The following WASF1 variants were observed in gnomAD, a reference collection of about 807,000 sequenced individuals.
WASF1 encodes the protein WASP family member 1.
WASF1 carries 7 observed loss-of-function variants against 50.5 expected under a neutral mutation model. That is an observed-to-expected ratio of 0.14 (90% confidence interval 0.08 to 0.26). The LOEUF (loss-of-function observed/expected upper bound fraction) is 0.26, where lower values mean the gene tolerates loss of function less well. Among genes scored for constraint, WASF1 ranks in the 10% least tolerant of loss-of-function variants. The pLI is 1.00. For missense variants in WASF1, 470 were observed against 694.7 expected (o/e 0.68, Z 3.64); for synonymous variants, 205 against 244.0 (o/e 0.84, Z 1.49).
At chr6:110,155,536 CTTT>C (rs66645132) in intron 3 of WASF1, among the ~76,000 whole-genome samples, 761 of 45,878 alleles carry the variant, frequency 0.017, no homozygotes, top group African/African-American at 0.048. Flanking sequence ...AAAGTGCCTT[CTTT>C]TTTTTTTTTT....
At chr6:110,153,561 G>C (rs1307116634) in intron 3 of WASF1, among the ~76,000 whole-genome samples, 1 of 152,094 alleles carries the variant, frequency 6.6e-6, no homozygotes, top group African/African-American at 2.4e-5. Context: ...TCAATCTACT[G>C]CATGTACAGT....
chr6:110,154,493 G>A (rs1032532959), intron 3 of WASF1, among the ~76,000 whole-genome samples: 7 of 151,964 alleles, frequency 4.6e-5, no homozygotes, highest in Non-Finnish European at 8.8e-5. Flanking sequence ...TTAAGAGAAA[G>A]ATATAAATAG....
intron 3 of WASF1, among the ~76,000 whole-genome samples, chr6:110,148,198 C>A (rs1775663975): frequency 6.6e-6 from 1 of 152,138 alleles, no homozygotes; most frequent in Non-Finnish European, 1.5e-5. Flanking sequence ...ATACATTGTA[C>A]TTTATATGAA....
rs1775274778 is a variant in WASF1, at chr6:110,142,191, C to T, written c.-28-14562G>A. Among the ~76,000 whole-genome samples, 3 of 152,176 alleles carry T rather than the reference C, an allele frequency of 2.0e-5. No homozygotes were observed. In the South Asian group the frequency reaches 6.2e-4, roughly 31 times the overall value. On this transcript the variant is annotated intron_variant, in intron 3 of 10. Transcript: ENST00000392589. ...AAAAGCATGGATGGATCATATCTTA[C>T]TCATTTCTTCATCTTTATGGGCTAG... is the stretch of plus-strand genomic sequence containing the variant.
chr6:110,131,177 A>C (rs1355574209), intron 3 of WASF1, among the ~76,000 whole-genome samples: 3 of 152,150 alleles, frequency 2.0e-5, no homozygotes, highest in African/African-American at 7.2e-5. Context: ...TGTGGTAGGG[A>C]TATTCTCAAT....
chr6:110,160,547 T>C (rs1180298183), intron 3 of WASF1, 88 bp downstream of exon 3: 2 of 151,768 alleles, frequency 1.3e-5, no homozygotes, highest in Non-Finnish European at 3.0e-5. Flanking sequence ...TATTAGTATA[T>C]AACTTTTGAA....
intron 3 of WASF1, among the ~76,000 whole-genome samples, chr6:110,148,024 GA>G (rs1391729506): frequency 6.6e-6 from 1 of 152,152 alleles, no homozygotes; most frequent in Non-Finnish European, 1.5e-5. Context: ...TAGGATTATA[GA>G]CATGAGCCAC....
At position 110,127,596 on chromosome 6, in the gene WASF1, C is replaced by A; in HGVS notation, c.6G>T (p.Pro2=). 1 of 1,557,952 alleles carries A rather than the reference C, an allele frequency of 6.4e-7. No homozygotes were observed. Among genetic ancestry groups the A allele is most frequent in the Non-Finnish European group, 8.7e-7 (1 of 1,153,698 alleles). M[P]LVKRNIDPRH... ...TAGGATCGATGTTTCTTTTCACTAG[C>A]GGCATCTTGAGATTAACCTTTGTGC... Residue 2 remains proline (P), a synonymous_variant, in exon 4 of 11, where the codon CCG becomes CCT. Coordinates refer to ENST00000392589, the MANE Select transcript of WASF1 (RefSeq NM_003931.3).
At chr6:110,125,970 A>G (rs183901710) in intron 4 of WASF1, among the ~76,000 whole-genome samples, 4 of 152,290 alleles carry the variant, frequency 2.6e-5, no homozygotes, top group African/African-American at 7.2e-5. Context: ...CTTAATCACA[A>G]TATTAGTTCT....
In WASF1 at chr6:110,120,294, T is replaced by C. The variant is rs994785391; in HGVS notation, c.134-6834A>G. On this transcript the variant is annotated intron_variant, in intron 4 of 10. Transcript: ENST00000392589. Reference sequence around the variant, plus strand: ...ATGATTGTATATTTAGAAAACCCCATTGTCTCAGCTCAAAATCTCCTTAAG... The same window carrying C: ...ATGATTGTATATTTAGAAAACCCCACTGTCTCAGCTCAAAATCTCCTTAAG... 5.3e-5 allele frequency among the ~76,000 whole-genome samples: 8 copies of C among 152,204 alleles called. No homozygotes were observed. The East Asian group carries it at 5.8e-4, about 11-fold the overall frequency.
At chr6:110,101,174 C>T (rs1297790560) in intron 10 of WASF1, among the ~76,000 whole-genome samples, 2 of 152,108 alleles carry the variant, frequency 1.3e-5, no homozygotes, top group African/African-American at 4.8e-5. Context: ...AGGGAGGAAA[C>T]TCACTCCTCT....
intron 3 of WASF1, among the ~76,000 whole-genome samples, chr6:110,142,001 C>T (rs1159913378): frequency 3.3e-5 from 5 of 152,090 alleles, no homozygotes; most frequent in Admixed American, 6.5e-5. Flanking sequence ...CTCCCGACCT[C>T]GTGATCCACC....
intron 2 of WASF1, among the ~76,000 whole-genome samples, chr6:110,161,160 T>C (rs1054837697): frequency 6.6e-6 from 1 of 151,632 alleles, no homozygotes; most frequent in Non-Finnish European, 1.5e-5. Context: ...TATTCTAAAT[T>C]CATTAATTCA....
intron 2 of WASF1, among the ~76,000 whole-genome samples, chr6:110,174,165 T>G (rs1323103281): frequency 2.0e-5 from 3 of 152,254 alleles, no homozygotes; most frequent in Middle Eastern, 3.4e-3. Context: ...TCACCTGTTC[T>G]TTGAATTCTC....
chr6:110,114,584 A>C (rs1204624872), intron 4 of WASF1, among the ~76,000 whole-genome samples: 1 of 152,134 alleles, frequency 6.6e-6, no homozygotes, highest in Non-Finnish European at 1.5e-5. Flanking sequence ...ATTTGAGAAA[A>C]AGTGAAGTCC....
intron 9 of WASF1, among the ~76,000 whole-genome samples, chr6:110,102,425 G>A (rs76733017): frequency 1.3e-5 from 2 of 151,270 alleles, no homozygotes; most frequent in African/African-American, 4.9e-5. Flanking sequence ...GTGGTGCTTT[G>A]GTTTGTAATA....
chr6:110,152,980 T>G (rs1466697278), intron 3 of WASF1, among the ~76,000 whole-genome samples: 8 of 152,170 alleles, frequency 5.3e-5, no homozygotes, highest in Admixed American at 2.0e-4. Flanking sequence ...TATAAATGGA[T>G]TCACAGAGTA....
chr6:110,168,355 G>T, intron 2 of WASF1, among the ~76,000 whole-genome samples: 1 of 152,000 alleles, frequency 6.6e-6, no homozygotes, highest in East Asian at 1.9e-4. Context: ...AGTTCTGTAT[G>T]TACAAATCCT....
Position 110,102,084 on chromosome 6 carries a change from A to G in WASF1, c.1026T>C (p.Ala342=). The part of the protein sequence containing the change: ...PSALSTSSLR[A]SMTSTPPPPV... The stretch of plus-strand genomic sequence containing the variant: ...GAGGGGGAGGAGTTGAAGTCATTGA[A>G]GCTCTTAATGAGGAAGTTGACAAGG... Residue 342 remains alanine (A), a synonymous_variant, in exon 10 of 11, where the codon GCT becomes GCC. Coordinates refer to ENST00000392589, the MANE Select transcript of WASF1 (RefSeq NM_003931.3). The G allele has an allele frequency of 2.0e-6, 3 of 1,509,338 alleles. No individual in the cohort carries two copies. Among genetic ancestry groups the G allele is most frequent in the Non-Finnish European group, 2.7e-6 (3 of 1,130,222 alleles). The allele number at this position is 1,509,338 out of a possible 1,614,324, so 93.5% of individuals were successfully genotyped here.
Sources: allele counts gnomAD v4.1 joint callset (sites outside exome capture counted in the v4.1 genomes callset), GRCh38; gene constraint gnomAD v4.1.1; transcripts MANE v1.5; gene names NCBI Gene and HGNC (gene_info 2026-07-23, HGNC 2026-07-21).